The following GLI2 variants were observed in gnomAD, a reference collection of about 807,000 sequenced individuals.
GLI2 encodes the protein GLI family zinc finger 2, also known as transcription activator GLI2.
A neutral mutation model predicts 78.9 loss-of-function variants in GLI2; 22 were observed. That is an observed-to-expected ratio of 0.28 (90% CI 0.20 to 0.40). The LOEUF is 0.40. GLI2 is among the 10% of genes least tolerant of loss of function. The probability of loss-of-function intolerance (pLI) is 1.00; values close to 1 mark genes in which losing one functional copy is unlikely to be tolerated. For synonymous variants in GLI2, 974 were observed against 963.7 expected (o/e 1.01, Z -0.20); for missense variants, 2,097 against 2,213.2 (o/e 0.95, Z 1.05).
In GLI2 at chr2:120,902,089, A is replaced by G. The variant is rs571028178; in HGVS notation, c.149-25272A>G. On this transcript the variant is annotated intron_variant, in intron 2 of 13. Coordinates refer to ENST00000361492, the MANE Select transcript of GLI2 (RefSeq NM_001374353.1). ...TGGTTCTACGCATCTCTCCCAAACT[A>G]TATGCTCAGTGTCTTCTCCTTGGTA... Among the ~76,000 whole-genome samples the G allele has an allele frequency of 7.9e-5, 12 of 151,920 alleles. No individual in the cohort carries two copies. In the South Asian group the frequency reaches 2.1e-3, roughly 26 times the overall value.
chr2:120,809,386 A>G (rs1415968021), intron 2 of GLI2, among the ~76,000 whole-genome samples: 2 of 152,136 alleles, frequency 1.3e-5, no homozygotes, highest in Non-Finnish European at 2.9e-5. Flanking sequence ...AATGATTGCT[A>G]TGGGCTTGGG....
Position 120,827,827 on chromosome 2 carries a change from G to A in GLI2, c.148+30359G>A, listed in dbSNP as rs1019784158. Among the ~76,000 whole-genome samples, 5 of 152,302 alleles carry A rather than the reference G, an allele frequency of 3.3e-5. No homozygotes were observed. The East Asian group carries it at 5.8e-4, about 18-fold the overall frequency. On this transcript the variant is annotated intron_variant, in intron 2 of 13. Transcript: ENST00000361492. ...CCACTTATACGCGGTCCCTAGAGTC[G>A]TCAGAATCGTAGAGACAGAAAGCAG...
chr2:120,986,170 C>T (rs926239779), intron 12 of GLI2, 108 bp from the exon 13 acceptor site: 19 of 970,754 alleles, frequency 2.0e-5, no homozygotes, highest in Admixed American at 1.5e-4. Flanking sequence ...CCCTCACCCT[C>T]AGCCCCTCAG....
chr2:120,849,757 A>T (rs956111323), intron 2 of GLI2, among the ~76,000 whole-genome samples: 1 of 152,206 alleles, frequency 6.6e-6, no homozygotes, highest in East Asian at 1.9e-4. Flanking sequence ...GTCCACATGG[A>T]CGACTGGGAA....
intron 2 of GLI2, among the ~76,000 whole-genome samples, chr2:120,925,561 C>T (rs1679621393): frequency 6.6e-6 from 1 of 152,176 alleles, no homozygotes; most frequent in Admixed American, 6.5e-5. Flanking sequence ...AAGCCAGTCT[C>T]AAAAGGACAA....
intron 8 of GLI2, among the ~76,000 whole-genome samples, chr2:120,974,344 T>C (rs1682341972): frequency 6.6e-6 from 1 of 152,118 alleles, no homozygotes; most frequent in Admixed American, 6.5e-5. Flanking sequence ...GGGATGGTCT[T>C]GTGGGTTAAT....
intron 2 of GLI2, among the ~76,000 whole-genome samples, chr2:120,830,983 C>CT (rs5833855): frequency 0.073 from 10,085 of 137,990 alleles, 414 homozygotes; most frequent in Middle Eastern, 0.2. Context: ...CTCTCTGTCT[C>CT]TTTTTTTTTT....
intron 2 of GLI2, among the ~76,000 whole-genome samples, chr2:120,856,014 T>C (rs146883750): frequency 6.6e-6 from 1 of 152,302 alleles, no homozygotes; most frequent in East Asian, 1.9e-4. Flanking sequence ...CGTGCCATCT[T>C]GATAAAAGCA....
chr2:120,955,321 C>G lies in GLI2; in HGVS notation c.534C>G (p.His178Gln), dbSNP rs376938468. 6.2e-7 allele frequency: 1 copy of G among 1,613,126 alleles called. No individual in the cohort carries two copies. The highest frequency in any genetic ancestry group is 8.5e-7 in the Non-Finnish European group (1 of 1,179,138). The stretch of plus-strand genomic sequence containing the variant: ...GCACCACCCCCTCAGACTATTACCA[C>G]CAGATGACCCTCGTGGCAGGCCACC... ...APGTTPSDYY[H>Q]QMTLVAGHPA... is the part of the protein sequence containing the mutation. The change falls in exon 5 of 14, where the codon CAC becomes CAG. Residue 178 changes from histidine to glutamine, a missense_variant. Physicochemically the swap from His to Gln is conservative, Grantham distance 24 (BLOSUM62 0). This residue lies in a region of GLI2 where 578 missense variants were observed against 612.0 expected (regional missense o/e 0.94). Transcript: ENST00000361492.
intron 2 of GLI2, among the ~76,000 whole-genome samples, chr2:120,867,670 T>A (rs1688211179): frequency 6.6e-6 from 1 of 152,220 alleles, no homozygotes; most frequent in Admixed American, 6.5e-5. Context: ...GCCGCTCTTG[T>A]GTGTGAAGGC....
intron 2 of GLI2, among the ~76,000 whole-genome samples, chr2:120,917,046 A>G (rs1032037451): frequency 2.0e-5 from 3 of 152,154 alleles, no homozygotes; most frequent in Non-Finnish European, 4.4e-5. Context: ...GGGATTTGTG[A>G]CAAGCCCAGA....
At chr2:120,918,655 G>A (rs1053730935) in intron 2 of GLI2, among the ~76,000 whole-genome samples, 2 of 152,086 alleles carry the variant, frequency 1.3e-5, no homozygotes, top group South Asian at 4.1e-4. Flanking sequence ...TGGCCAGGAT[G>A]GTGTCAAACT....
intron 2 of GLI2, among the ~76,000 whole-genome samples, chr2:120,810,817 C>T (rs570799736): frequency 5.9e-5 from 9 of 152,336 alleles, no homozygotes; most frequent in South Asian, 4.1e-4. Flanking sequence ...GCTTGAGGCT[C>T]CAGTGACGTC....
intron 1 of GLI2, among the ~76,000 whole-genome samples, chr2:120,752,501 C>G (rs1682907830): frequency 6.6e-6 from 1 of 152,218 alleles, no homozygotes; most frequent in East Asian, 1.9e-4. Context: ...AATCTCCTGA[C>G]CTCGTGATCC....
intron 4 of GLI2, among the ~76,000 whole-genome samples, chr2:120,953,324 G>T (rs992977134): frequency 6.6e-6 from 1 of 152,216 alleles, no homozygotes; most frequent in African/African-American, 2.4e-5. Flanking sequence ...GCCACAAGCA[G>T]GAAGCTGGCA....
intron 3 of GLI2, among the ~76,000 whole-genome samples, chr2:120,943,022 T>A (rs1435745075): frequency 6.6e-6 from 1 of 152,252 alleles, no homozygotes; most frequent in African/African-American, 2.4e-5. Context: ...TATTTGAGCA[T>A]GCTGTATGTC....
intron 2 of GLI2, among the ~76,000 whole-genome samples, chr2:120,874,260 C>T (rs564205411): frequency 6.6e-5 from 10 of 152,130 alleles, no homozygotes; most frequent in African/African-American, 1.4e-4. Context: ...ACTGGCTGGC[C>T]GGCCCTTTTC....
chr2:120,777,481 CAT>C (rs965591702), intron 1 of GLI2, among the ~76,000 whole-genome samples: 4 of 151,762 alleles, frequency 2.6e-5, no homozygotes, highest in South Asian at 2.1e-4. Flanking sequence ...GCTGACCTGA[CAT>C]GTGTGCCCAC....
At chr2:120,765,131 G>T (rs561168159) in intron 1 of GLI2, among the ~76,000 whole-genome samples, 1 of 152,218 alleles carries the variant, frequency 6.6e-6, no homozygotes, top group East Asian at 1.9e-4. Context: ...CCCTGCCCCT[G>T]GGGCTGAGGG....
Sources: gnomAD v4.1 joint callset for allele counts (sites outside exome capture counted in the v4.1 genomes callset) on GRCh38, gnomAD v4.1.1 for gene constraint, gnomAD v4.1.1 regional missense constraint, MANE v1.5 for transcripts, NCBI Gene and HGNC (gene_info 2026-07-23, HGNC 2026-07-21) for gene names.